Variants in ASAP1 observed in about 807,000 individuals in gnomAD.
ASAP1 encodes the protein ArfGAP with SH3 domain, ankyrin repeat and PH domain 1.
A neutral mutation model predicts 145.2 loss-of-function variants in ASAP1; 43 were observed. The observed-to-expected ratio is 0.30, with a 90% CI of 0.23 to 0.38. The LOEUF (loss-of-function observed/expected upper bound fraction) is 0.38, where lower values mean the gene tolerates loss of function less well. Ranked by LOEUF, ASAP1 falls within the 10% of genes least tolerant of loss-of-function variation. The pLI is 1.00. For synonymous variants in ASAP1, 546 were observed against 515.5 expected (o/e 1.06, Z -0.80); for missense variants, 1,018 against 1,355.3 (o/e 0.75, Z 3.91).
chr8:130,270,527 C>A (rs1202690854), intron 3 of ASAP1, among the ~76,000 whole-genome samples: 1 of 152,142 alleles, frequency 6.6e-6, no homozygotes, highest in Admixed American at 6.5e-5. Flanking sequence ...AAATTCAAAG[C>A]TTTTCATTTT....
chr8:130,105,839 C>CAA (rs1179241100), intron 24 of ASAP1, among the ~76,000 whole-genome samples: 2 of 152,192 alleles, frequency 1.3e-5, no homozygotes, highest in African/African-American at 4.8e-5. Flanking sequence ...ATTGCTCTGT[C>CAA]AACTGACTTC....
At chr8:130,351,105 C>T (rs1825968818) in intron 3 of ASAP1, among the ~76,000 whole-genome samples, 1 of 152,212 alleles carries the variant, frequency 6.6e-6, no homozygotes, top group Admixed American at 6.5e-5. Flanking sequence ...CATTTTTCTT[C>T]CCTCTCCCAA....
At chr8:130,354,260 CTGG>C (rs997111402) in intron 3 of ASAP1, among the ~76,000 whole-genome samples, 1 of 152,248 alleles carries the variant, frequency 6.6e-6, no homozygotes, top group African/African-American at 2.4e-5. Flanking sequence ...TTTCATCTCT[CTGG>C]GCCTCAATTT....
At chr8:130,205,395 A>C (rs572853252) in intron 5 of ASAP1, among the ~76,000 whole-genome samples, 127 of 151,740 alleles carry the variant, frequency 8.4e-4, no homozygotes, top group African/African-American at 1.6e-3. Flanking sequence ...AAAAAAAAAA[A>C]AAAAACAAAA....
At chr8:130,406,765 G>A (rs141311704) in intron 1 of ASAP1, among the ~76,000 whole-genome samples, 9 of 152,282 alleles carry the variant, frequency 5.9e-5, no homozygotes, top group African/African-American at 1.4e-4. Flanking sequence ...TTACAGGAAT[G>A]AGCCACTGTG....
At chr8:130,258,137 G>C (rs1819679267) in intron 3 of ASAP1, among the ~76,000 whole-genome samples, 1 of 152,180 alleles carries the variant, frequency 6.6e-6, no homozygotes, top group Non-Finnish European at 1.5e-5. Flanking sequence ...GCCTTTTTAG[G>C]TTCTCCAGCT....
chr8:130,249,471 T>C (rs561876566), intron 3 of ASAP1, among the ~76,000 whole-genome samples: 3 of 152,268 alleles, frequency 2.0e-5, no homozygotes, highest in African/African-American at 7.2e-5. Flanking sequence ...TTCTGAACAA[T>C]ACTTCTGCCT....
At chr8:130,355,291 A>T (rs1301380428) in intron 3 of ASAP1, among the ~76,000 whole-genome samples, 1 of 152,226 alleles carries the variant, frequency 6.6e-6, no homozygotes, top group Admixed American at 6.5e-5. Flanking sequence ...ACATAGTAAA[A>T]GAAAGAGTAT....
At chr8:130,249,704 C>T (rs1819073736) in intron 3 of ASAP1, among the ~76,000 whole-genome samples, 1 of 152,088 alleles carries the variant, frequency 6.6e-6, no homozygotes, top group Non-Finnish European at 1.5e-5. Flanking sequence ...TTTTAAGATA[C>T]CAGACACACA....
chr8:130,305,509 G>A (rs1822938717), intron 3 of ASAP1, among the ~76,000 whole-genome samples: 1 of 151,938 alleles, frequency 6.6e-6, no homozygotes, highest in South Asian at 2.1e-4. Context: ...GATTACAGGC[G>A]CCCACCACCA....
Position 130,117,002 on chromosome 8 carries a change from A to C in ASAP1, c.1881-7T>G. 1 of 1,585,454 alleles carries C rather than the reference A, an allele frequency of 6.3e-7. No individual in the cohort carries two copies. On this transcript the variant is annotated splice_region_variant and splice_polypyrimidine_tract_variant and intron_variant, in intron 20 of 29. Transcript: ENST00000518721. ...CTGCTTATCCAGGTTCCCACTGAAA[A>C]ATTAGATGATGATTAGAAAAAAATG...
chr8:130,151,098 C>T (rs149688582), intron 13 of ASAP1, among the ~76,000 whole-genome samples: 15 of 151,708 alleles, frequency 9.9e-5, no homozygotes, highest in African/African-American at 2.2e-4. Context: ...AAGGGCCAGG[C>T]GTGCAGGCTC....
chr8:130,227,069 G>C (rs1450686972), intron 4 of ASAP1, among the ~76,000 whole-genome samples: 1 of 152,070 alleles, frequency 6.6e-6, no homozygotes, highest in Non-Finnish European at 1.5e-5. Context: ...GGGATACAAA[G>C]GTTATTTAGT....
At chr8:130,185,745 A>AG (rs1012782295) in intron 7 of ASAP1, among the ~76,000 whole-genome samples, 16 of 150,348 alleles carry the variant, frequency 1.1e-4, no homozygotes, top group African/African-American at 3.7e-4. Flanking sequence ...AAAAAAAAAA[A>AG]AAAGAAAAAG....
At chr8:130,070,066 T>C (rs2097439233) in intron 27 of ASAP1, among the ~76,000 whole-genome samples, 1 of 152,146 alleles carries the variant, frequency 6.6e-6, no homozygotes, top group Admixed American at 6.5e-5. Flanking sequence ...AGACGGAGTC[T>C]CACTCTGTCG....
At chr8:130,072,822 T>TGTGTGCGTGTGTGTGTGCGCGTGTGC (rs1554816353) in intron 27 of ASAP1, among the ~76,000 whole-genome samples, 1 of 26,036 alleles carries the variant, frequency 3.8e-5, no homozygotes, top group Non-Finnish European at 7.8e-5. Flanking sequence ...TGTGTGTGTG[T>TGTGTGCGTGTGTGTGTGCGCGTGTGC]GTGCGCGCGG....
In ASAP1 at chr8:130,256,754, T is replaced by TCC. The variant is rs1565142606; in HGVS notation, c.187-19761_187-19760insGG. ...ATACACATTCTTATATATATATATA[T>TCC]ATATATATATATATATATATATATA... On this transcript the variant is annotated intron_variant, in intron 3 of 29. Coordinates refer to ENST00000518721, the MANE Select transcript of ASAP1 (RefSeq NM_018482.4). Among the ~76,000 whole-genome samples, 9 of 68,946 alleles carry TCC rather than the reference T, an allele frequency of 1.3e-4. 1 individual carries two copies. Among genetic ancestry groups the TCC allele is most frequent in the East Asian group, 6.9e-4 (2 of 2,892 alleles). 45.2% of individuals were successfully genotyped at this position (68,946 alleles called of 152,430 possible). A position where few individuals can be genotyped will look rare whatever the true frequency, so the allele number is the denominator to read the frequency against.
At chr8:130,213,856 G>A (rs993322635) in intron 5 of ASAP1, among the ~76,000 whole-genome samples, 3 of 152,158 alleles carry the variant, frequency 2.0e-5, no homozygotes, top group African/African-American at 7.2e-5. Flanking sequence ...ATGAGGGCTG[G>A]GGAGGGGGTT....
intron 6 of ASAP1, 64 bp downstream of exon 6, chr8:130,188,045 G>T: frequency 8.1e-7 from 1 of 1,228,640 alleles, no homozygotes; most frequent in Non-Finnish European, 1.2e-6. Context: ...CTATGATCTT[G>T]AAAGAGGAAA....
Sources: gnomAD v4.1 joint callset for allele counts (sites outside exome capture counted in the v4.1 genomes callset) on GRCh38, gnomAD v4.1.1 for gene constraint, MANE v1.5 for transcripts, NCBI Gene and HGNC (gene_info 2026-07-23, HGNC 2026-07-21) for gene names.